Variants in GRID2 observed in about 807,000 individuals in gnomAD.
The protein encoded by GRID2 is glutamate receptor ionotropic, delta-2.
A neutral mutation model predicts 114.8 loss-of-function variants in GRID2; 33 were observed. That is an observed-to-expected ratio of 0.29 (90% CI 0.22 to 0.38). The LOEUF is 0.38. Ranked by LOEUF, GRID2 falls within the 10% of genes least tolerant of loss-of-function variation. GRID2 has a pLI of 1.00. For missense variants in GRID2, 1,184 were observed against 1,257.7 expected, an observed-to-expected ratio of 0.94 and a Z score of 0.89; for synonymous variants, 505 against 449.9, an observed-to-expected ratio of 1.12 and a Z score of -1.55.
intron 2 of GRID2, among the ~76,000 whole-genome samples, chr4:92,598,491 C>T (rs62310141): frequency 0.1 from 15,212 of 152,034 alleles, 1,004 homozygotes; most frequent in African/African-American, 0.19. Context: ...GCATTTAGTT[C>T]GGTATGTAAA....
At chr4:93,661,656 G>A (rs1439526675) in intron 14 of GRID2, among the ~76,000 whole-genome samples, 1 of 152,196 alleles carries the variant, frequency 6.6e-6, no homozygotes, top group African/African-American at 2.4e-5. Context: ...AAGCCTCACA[G>A]AAACCTAACC....
intron 14 of GRID2, among the ~76,000 whole-genome samples, chr4:93,664,799 C>T (rs1210895330): frequency 6.6e-6 from 1 of 152,134 alleles, no homozygotes; most frequent in Admixed American, 6.6e-5. Context: ...ACTCAACTTT[C>T]TTATCTGTAT....
intron 10 of GRID2, among the ~76,000 whole-genome samples, chr4:93,428,645 G>A (rs539189365): frequency 2.8e-4 from 42 of 152,112 alleles, no homozygotes; most frequent in Admixed American, 7.8e-4. Context: ...GTGTGAGGGT[G>A]GGGCGGAATA....
chr4:93,803,606 T>C (rs537366837), intron 1 of GRID2, among the ~76,000 whole-genome samples: 90 of 151,994 alleles, frequency 5.9e-4, no homozygotes, highest in South Asian at 3.1e-3. Flanking sequence ...CCTGTAGTCC[T>C]AGCCACTCGG....
rs758828854 is a variant in GRID2, at chr4:93,373,707, C to T, written c.1246-21900C>T. Reference sequence around the variant, plus strand: ...ATGAAGCCTTAATACCTAAAGCAGCCACTGTATGTGATTAATTAACTTCTC... The same window carrying T: ...ATGAAGCCTTAATACCTAAAGCAGCTACTGTATGTGATTAATTAACTTCTC... On this transcript the variant is annotated intron_variant, in intron 8 of 15. Coordinates refer to ENST00000282020, the MANE Select transcript of GRID2 (RefSeq NM_001510.4). Among the ~76,000 whole-genome samples, 58 of 152,224 alleles carry T rather than the reference C, an allele frequency of 3.8e-4. 1 individual carries two copies. The highest frequency in any genetic ancestry group is 1.6e-3 in the Admixed American group (25 of 15,286).
chr4:93,223,697 G>GT (rs1314745611), intron 6 of GRID2, among the ~76,000 whole-genome samples: 1 of 151,944 alleles, frequency 6.6e-6, no homozygotes, highest in Non-Finnish European at 1.5e-5. Flanking sequence ...TTTATATAGA[G>GT]TTTTTCCTTC....
intron 1 of GRID2, among the ~76,000 whole-genome samples, chr4:92,440,973 G>A (rs1202332756): frequency 1.3e-5 from 2 of 151,908 alleles, no homozygotes; most frequent in Non-Finnish European, 2.9e-5. Context: ...TGGAAGTTAT[G>A]AGAACTGTAG....
chr4:92,639,001 G>A (rs537757488), intron 2 of GRID2, among the ~76,000 whole-genome samples: 24 of 150,964 alleles, frequency 1.6e-4, no homozygotes, highest in African/African-American at 5.1e-4. Context: ...TGATAAGTAC[G>A]CATAATTTAT....
intron 2 of GRID2, among the ~76,000 whole-genome samples, chr4:92,703,761 A>G (rs1734799395): frequency 6.6e-6 from 1 of 151,928 alleles, no homozygotes; most frequent in Non-Finnish European, 1.5e-5. Context: ...ATTGAGAGCT[A>G]TTTCTACAGA....
intron 8 of GRID2, among the ~76,000 whole-genome samples, chr4:93,316,090 G>C (rs1021982718): frequency 6.6e-6 from 1 of 152,016 alleles, no homozygotes; most frequent in Non-Finnish European, 1.5e-5. Context: ...CCAAAAGGAA[G>C]GAGAGAGGGC....
intron 8 of GRID2, among the ~76,000 whole-genome samples, chr4:93,281,609 G>T (rs1579532106): frequency 6.6e-6 from 1 of 151,998 alleles, no homozygotes; most frequent in Non-Finnish European, 1.5e-5. Context: ...CAATCTTAGA[G>T]AATTGGAAGT....
chr4:93,541,291 A>T (rs940217656), intron 13 of GRID2, among the ~76,000 whole-genome samples: 18 of 152,168 alleles, frequency 1.2e-4, no homozygotes, highest in Non-Finnish European at 2.2e-4. Flanking sequence ...GAGCTGTAGA[A>T]TTATAAAAGT....
intron 8 of GRID2, among the ~76,000 whole-genome samples, chr4:93,280,840 G>A (rs1319839447): frequency 6.6e-6 from 1 of 151,808 alleles, no homozygotes; most frequent in African/African-American, 2.4e-5. Context: ...TGGTTTATTG[G>A]TCTGAGGATA....
At chr4:92,434,017 C>A (rs748467826) in intron 1 of GRID2, among the ~76,000 whole-genome samples, 1 of 152,174 alleles carries the variant, frequency 6.6e-6, no homozygotes, top group Non-Finnish European at 1.5e-5. Flanking sequence ...TTTCTATAAA[C>A]CCACGTCAAA....
At chr4:93,348,258 C>A (rs947175198) in intron 8 of GRID2, among the ~76,000 whole-genome samples, 1 of 152,090 alleles carries the variant, frequency 6.6e-6, no homozygotes, top group Non-Finnish European at 1.5e-5. Context: ...AAAATCATTA[C>A]TCACTTCATA....
chr4:92,733,492 G>T (rs765240752), intron 2 of GRID2, among the ~76,000 whole-genome samples: 1 of 152,028 alleles, frequency 6.6e-6, no homozygotes, highest in Non-Finnish European at 1.5e-5. Flanking sequence ...CAGGGGACAG[G>T]ACTGAAAAGA....
chr4:92,945,886 C>T (rs71599264), intron 2 of GRID2, among the ~76,000 whole-genome samples: 3,061 of 152,150 alleles, frequency 0.02, 34 homozygotes, highest in Non-Finnish European at 0.033. Flanking sequence ...ATCTATGCCC[C>T]CTTAACTTCA....
chr4:92,651,106 T>G (rs1019665826), intron 2 of GRID2, among the ~76,000 whole-genome samples: 1 of 152,056 alleles, frequency 6.6e-6, no homozygotes, highest in Non-Finnish European at 1.5e-5. Flanking sequence ...ATCAAGGAAT[T>G]CTATAAGTGC....
At chr4:93,269,371 T>C (rs1250406217) in intron 8 of GRID2, among the ~76,000 whole-genome samples, 1 of 152,196 alleles carries the variant, frequency 6.6e-6, no homozygotes, top group Non-Finnish European at 1.5e-5. Flanking sequence ...AATTAAGTCA[T>C]TGTCTAAGGC....
Sources: allele counts gnomAD v4.1 joint callset (sites outside exome capture counted in the v4.1 genomes callset), GRCh38; gene constraint gnomAD v4.1.1; transcripts MANE v1.5; gene names NCBI Gene and HGNC (gene_info 2026-07-23, HGNC 2026-07-21).